Variants in DENND5A observed in about 807,000 individuals in gnomAD.
DENND5A encodes DENN domain-containing protein 5A.
In DENND5A, 64 loss-of-function variants were observed where a neutral mutation model predicts 140.3. That is an observed-to-expected ratio of 0.46 (90% CI 0.37 to 0.56). The LOEUF (loss-of-function observed/expected upper bound fraction) is 0.56. Among genes scored for constraint, DENND5A ranks in the 20% least tolerant of loss-of-function variants. The pLI is 0.00. For missense variants in DENND5A, 1,292 were observed against 1,593.8 expected (o/e 0.81, Z 3.22); for synonymous variants, 605 against 607.7 (o/e 1.00, Z 0.07).
chr11:9,170,243 T>A (rs990692006), intron 9 of DENND5A: 1 of 981,052 alleles, frequency 1.0e-6, no homozygotes, highest in African/African-American at 1.7e-5. Context: ...TACAGTCATC[T>A]TCAAAAGTAA....
intron 1 of DENND5A, among the ~76,000 whole-genome samples, chr11:9,225,993 C>A (rs1360887624): frequency 6.6e-6 from 1 of 151,642 alleles, no homozygotes; most frequent in African/African-American, 2.4e-5. Flanking sequence ...GGTGGGAGGA[C>A]TGATTGAGCC....
intron 1 of DENND5A, among the ~76,000 whole-genome samples, chr11:9,224,165 C>T (rs1290930551): frequency 6.6e-6 from 1 of 152,114 alleles, no homozygotes; most frequent in Non-Finnish European, 1.5e-5. Flanking sequence ...TTCACTCCAG[C>T]CTGGGCGACA....
chr11:9,264,181 G>A (rs1314230770), intron 1 of DENND5A, among the ~76,000 whole-genome samples: 4 of 152,152 alleles, frequency 2.6e-5, no homozygotes, highest in African/African-American at 9.7e-5. Flanking sequence ...GCCTTCTGCA[G>A]TGAGTGCCAA....
intron 4 of DENND5A, among the ~76,000 whole-genome samples, chr11:9,196,597 A>C (rs1318992782): frequency 6.6e-6 from 1 of 151,854 alleles, no homozygotes; most frequent in East Asian, 1.9e-4. Flanking sequence ...GCCTTTTTTC[A>C]AATTTTATTT....
chr11:9,246,660 T>A (rs80013010), intron 1 of DENND5A, among the ~76,000 whole-genome samples: 3,312 of 147,410 alleles, frequency 0.022, 120 homozygotes, highest in African/African-American at 0.078. Context: ...TTAACCATCA[T>A]AACTTTCTAA....
chr11:9,207,670 G>C (rs753870355), intron 1 of DENND5A, 38 bp from the exon 2 acceptor site: 9 of 1,450,818 alleles, frequency 6.2e-6, no homozygotes, highest in Non-Finnish European at 8.7e-6. Flanking sequence ...TTACAATAAA[G>C]CAGTGTTATT....
At chr11:9,152,143 C>T (rs1375499631) in intron 13 of DENND5A, among the ~76,000 whole-genome samples, 3 of 152,074 alleles carry the variant, frequency 2.0e-5, no homozygotes, top group East Asian at 1.9e-4. Context: ...TCTATCTTGC[C>T]GATAAAAAGG....
At position 9,144,226 on chromosome 11, in the gene DENND5A, G is replaced by T; in HGVS notation, c.3175C>A (p.Arg1059=). ...GKGMDDGSLE[R]ILVGELLTSQ... ...GTGAGCAGCTCCCCAACTAGGATCC[G>T]CTCCAGGCTTCCATCATCCATGCCC... is the stretch of plus-strand genomic sequence containing the variant. The change falls in exon 19 of 23, where the codon CGG becomes AGG. Residue 1059 remains arginine (R), a synonymous_variant. Coordinates refer to ENST00000328194, the MANE Select transcript of DENND5A (RefSeq NM_015213.4). The T allele has an allele frequency of 6.2e-7, 1 of 1,614,102 alleles. No homozygotes were observed. Among genetic ancestry groups the T allele is most frequent in the Non-Finnish European group, 8.5e-7 (1 of 1,180,012 alleles).
intron 12 of DENND5A, among the ~76,000 whole-genome samples, chr11:9,156,915 T>C (rs975693293): frequency 1.6e-4 from 22 of 135,194 alleles, no homozygotes; most frequent in Non-Finnish European, 3.0e-4. Flanking sequence ...AAGGAAGATA[T>C]TCTTACTGTG....
At chr11:9,143,155 C>T in intron 20 of DENND5A, 1 of 592,228 alleles carries the variant, frequency 1.7e-6, no homozygotes, top group Admixed American at 3.0e-5. Flanking sequence ...CAGGAATAGG[C>T]ACTGTTCACT....
chr11:9,264,916 C>A (rs1405097677), intron 1 of DENND5A, 45 bp downstream of exon 1: 2 of 1,467,958 alleles, frequency 1.4e-6, no homozygotes, highest in South Asian at 1.2e-5. Context: ...GGGTCCCCGA[C>A]GACAGCGGGC....
At chr11:9,181,253 A>G (rs1348586902) in intron 5 of DENND5A, among the ~76,000 whole-genome samples, 169 bp from the exon 6 acceptor site, 2 of 152,192 alleles carry the variant, frequency 1.3e-5, no homozygotes, top group Admixed American at 6.5e-5. Context: ...TTGAGTTCCA[A>G]TATTACCCTG....
rs1210310332 is a variant in DENND5A, at chr11:9,181,042, A to G, written c.1180T>C (p.Leu394=). ...GGGAACTGTGGCAAGTCCTCTGGCA[A>G]CTCAATGAAGTGGTTGTCAATGTCC... is the stretch of plus-strand genomic sequence containing the variant. ...FVDIDNHFIE[L]PEDLPQFPNK... Residue 394 remains leucine (L), a synonymous_variant, in exon 6 of 23, where the codon TTG becomes CTG. Coordinates refer to ENST00000328194, the MANE Select transcript of DENND5A (RefSeq NM_015213.4). 4 of 1,614,020 alleles carry G rather than the reference A, an allele frequency of 2.5e-6. No individual in the cohort carries two copies. The highest frequency in any genetic ancestry group is 3.4e-6 in the Non-Finnish European group (4 of 1,180,028).
chr11:9,237,466 A>C (rs1192138678), intron 1 of DENND5A, among the ~76,000 whole-genome samples: 1 of 152,240 alleles, frequency 6.6e-6, no homozygotes, highest in Non-Finnish European at 1.5e-5. Flanking sequence ...GAAACGTTTC[A>C]GAAAAGCGGT....
rs772955654 is a variant in DENND5A at position 9,160,740 on chromosome 11, G to T, written c.2409C>A (p.Ile803=). 6.2e-7 allele frequency: 1 copy of T among 1,613,722 alleles called. No individual in the cohort carries two copies. ...GTTTCACTTGTAGTCCATGACTCCA[G>T]ATCCTTTCCAGGAGATCACAAAGGC... is the stretch of plus-strand genomic sequence containing the variant. ...IASLCDLLER[I]WSHGLQVKQG... is the part of the protein sequence containing the mutation. The change falls in exon 12 of 23, where the codon ATC becomes ATA. Residue 803 remains isoleucine, a synonymous_variant. Coordinates refer to ENST00000328194, the MANE Select transcript of DENND5A (RefSeq NM_015213.4).
intron 1 of DENND5A, among the ~76,000 whole-genome samples, chr11:9,251,583 T>C (rs1851721762): frequency 6.6e-6 from 1 of 152,164 alleles, no homozygotes; most frequent in Admixed American, 6.6e-5. Context: ...CATGCCAGGA[T>C]TCTACCACTC....
intron 1 of DENND5A, among the ~76,000 whole-genome samples, chr11:9,233,557 ATT>A (rs957693058): frequency 1.8e-4 from 27 of 152,230 alleles, no homozygotes; most frequent in African/African-American, 6.0e-4. Flanking sequence ...AGTCAAAAAT[ATT>A]GAGATGAGAT....
chr11:9,247,420 T>C (rs1332731101), intron 1 of DENND5A, among the ~76,000 whole-genome samples: 1 of 152,088 alleles, frequency 6.6e-6, no homozygotes, highest in Non-Finnish European at 1.5e-5. Context: ...ACAACAACTC[T>C]GAGACAAAGG....
At chr11:9,237,428 A>G (rs964862536) in intron 1 of DENND5A, among the ~76,000 whole-genome samples, 2 of 152,174 alleles carry the variant, frequency 1.3e-5, no homozygotes, top group African/African-American at 4.8e-5. Flanking sequence ...GTCTCCAGAA[A>G]AAAAGATATG....
Sources: gnomAD v4.1 joint callset for allele counts (sites outside exome capture counted in the v4.1 genomes callset) on GRCh38, gnomAD v4.1.1 for gene constraint, MANE v1.5 for transcripts, NCBI Gene and HGNC (gene_info 2026-07-23, HGNC 2026-07-21) for gene names.